TENM3: variants seen among roughly 807,000 people sequenced by gnomAD.
TENM3 encodes teneurin transmembrane protein 3.
A neutral mutation model predicts 255.1 loss-of-function variants in TENM3; 63 were observed. The ratio of observed to expected loss-of-function variants is 0.25; its 90% CI spans 0.20 to 0.30. TENM3 has a LOEUF of 0.30. TENM3 is among the 10% of genes least tolerant of loss of function. TENM3 has a pLI of 1.00. For synonymous variants in TENM3, 1,306 were observed against 1,322.3 expected (o/e 0.99, Z 0.27); for missense variants, 2,929 against 3,461.1 (o/e 0.85, Z 3.86).
At chr4:181,518,813 T>C in the TENM3 span, among the ~76,000 whole-genome samples, 1 of 152,284 alleles carries the variant, frequency 6.6e-6, no homozygotes, top group South Asian at 2.1e-4. Flanking sequence ...TTCCTGTATG[T>C]CCATGAATGA....
Position 182,337,213 on chromosome 4 carries a change from C to CA in TENM3, c.233-9434dup, listed in dbSNP as rs1224073124. On this transcript the variant is annotated intron_variant, in intron 2 of 27. Transcript: ENST00000511685. ...AAAAAATTGATAAATTGGACTTCAT[C>CA]AAAATTACAAAGTTTTGCTTATCAG... Among the ~76,000 whole-genome samples the CA allele has an allele frequency of 5.9e-5, 9 of 152,064 alleles. 1 individual carries two copies. The highest frequency in any genetic ancestry group is 1.3e-4 in the Admixed American group (2 of 15,274).
At chr4:182,777,932 A>T (rs915235238) in intron 24 of TENM3, among the ~76,000 whole-genome samples, 6 of 151,754 alleles carry the variant, frequency 4.0e-5, no homozygotes, top group Non-Finnish European at 8.8e-5. Context: ...AGAAAACAGC[A>T]ATGTAAAAAG....
intron 3 of TENM3, among the ~76,000 whole-genome samples, chr4:182,457,122 T>G (rs968360940): frequency 7.9e-5 from 12 of 150,948 alleles, no homozygotes; most frequent in African/African-American, 2.9e-4. Flanking sequence ...GAGGCGGAGG[T>G]TGCAGTGAGC....
the TENM3 span, among the ~76,000 whole-genome samples, chr4:182,025,298 G>A: frequency 1.3e-5 from 2 of 152,138 alleles, no homozygotes; most frequent in African/African-American, 4.8e-5. Context: ...AAAGTGCTGT[G>A]ATTACAGGCG....
intron 3 of TENM3, among the ~76,000 whole-genome samples, chr4:182,595,888 T>C (rs1747171132): frequency 6.6e-6 from 1 of 150,794 alleles, no homozygotes; most frequent in African/African-American, 2.4e-5. Flanking sequence ...ATTTTATAGC[T>C]TTCATTTTAT....
chr4:181,521,270 C>T, the TENM3 span, among the ~76,000 whole-genome samples: 9 of 152,350 alleles, frequency 5.9e-5, no homozygotes, highest in South Asian at 1.9e-3. Context: ...ATGGCAGCTT[C>T]TTCATTCAGA....
At position 182,679,695 on chromosome 4, in the gene TENM3, C is replaced by T. The variant is rs1755972052; in HGVS notation, c.1356C>T (p.Ser452=). Residue 452 remains serine (S), a synonymous_variant, in exon 8 of 28, where the codon AGC becomes AGT. Transcript: ENST00000511685. ...QYDFVELLDG[S]RLIAREQRSL... The stretch of plus-strand genomic sequence containing the variant: ...ACTTCGTGGAGCTCCTGGATGGCAG[C>T]AGGCTGATTGCCAGAGAGCAGCGGA... 1 of 1,613,078 alleles carries T rather than the reference C, an allele frequency of 6.2e-7. No individual in the cohort carries two copies. The highest frequency in any genetic ancestry group is 8.5e-7 in the Non-Finnish European group (1 of 1,179,836).
At chr4:182,250,143 C>G (rs896852510) in intron 1 of TENM3, among the ~76,000 whole-genome samples, 3 of 150,174 alleles carry the variant, frequency 2.0e-5, no homozygotes, top group South Asian at 2.1e-4. Context: ...AGCTCTGCCT[C>G]CTGGGTTCAC....
intron 22 of TENM3, among the ~76,000 whole-genome samples, chr4:182,756,628 A>C (rs1762764384): frequency 6.6e-6 from 1 of 152,188 alleles, no homozygotes; most frequent in Non-Finnish European, 1.5e-5. Context: ...ATTATCATAA[A>C]AGTCAGTAGA....
intron 2 of TENM3, among the ~76,000 whole-genome samples, chr4:182,345,472 T>G (rs551714114): frequency 5.3e-5 from 8 of 152,334 alleles, no homozygotes; most frequent in African/African-American, 1.9e-4. Context: ...CTTAATATAC[T>G]TAAAAGGTTT....
chr4:181,626,547 T>C, the TENM3 span, among the ~76,000 whole-genome samples: 1 of 152,094 alleles, frequency 6.6e-6, no homozygotes, highest in African/African-American at 2.4e-5. Flanking sequence ...CATGTTACAT[T>C]GTGAGAGCAC....
the TENM3 span, among the ~76,000 whole-genome samples, chr4:181,607,150 A>C: frequency 6.6e-6 from 1 of 152,186 alleles, no homozygotes; most frequent in Admixed American, 6.5e-5. Context: ...TTTGGCCCTT[A>C]TCCTGCCTGC....
chr4:182,614,062 A>G (rs1456493818), intron 4 of TENM3, among the ~76,000 whole-genome samples: 2 of 152,234 alleles, frequency 1.3e-5, no homozygotes, highest in African/African-American at 4.8e-5. Context: ...TCACGGTGTC[A>G]CAGCTAGAAT....
intron 3 of TENM3, among the ~76,000 whole-genome samples, chr4:182,373,302 A>G (rs1237687963): frequency 6.6e-6 from 1 of 152,226 alleles, no homozygotes; most frequent in Non-Finnish European, 1.5e-5. Flanking sequence ...CAAGTTTGTC[A>G]GCCTCTGAGT....
the TENM3 span, among the ~76,000 whole-genome samples, chr4:181,682,736 C>T: frequency 1.1e-4 from 17 of 152,066 alleles, no homozygotes; most frequent in Non-Finnish European, 1.9e-4. Flanking sequence ...TAGGGCAATT[C>T]ATTTGGGGTG....
intron 3 of TENM3, among the ~76,000 whole-genome samples, chr4:182,394,193 G>T (rs1768639872): frequency 6.6e-6 from 1 of 152,108 alleles, no homozygotes; most frequent in South Asian, 2.1e-4. Flanking sequence ...CAACCCACTG[G>T]TTTCTTTTGC....
intron 1 of TENM3, among the ~76,000 whole-genome samples, chr4:182,214,151 T>A (rs1489585591): frequency 6.6e-6 from 1 of 152,118 alleles, no homozygotes; most frequent in African/African-American, 2.4e-5. Flanking sequence ...GCAGTTTAGG[T>A]AAGTAGGGTT....
At chr4:182,339,310 A>G (rs1193887565) in intron 2 of TENM3, among the ~76,000 whole-genome samples, 3 of 152,216 alleles carry the variant, frequency 2.0e-5, no homozygotes, top group African/African-American at 7.2e-5. Flanking sequence ...CGGCAGGATT[A>G]AAGGATTTAG....
the TENM3 span, among the ~76,000 whole-genome samples, chr4:181,952,960 T>C: frequency 3.0e-4 from 45 of 152,360 alleles, no homozygotes; most frequent in Admixed American, 1.5e-3. Context: ...TCAACAGTCA[T>C]TGTGGCCATG....
Sources: allele counts gnomAD v4.1 joint callset (sites outside exome capture counted in the v4.1 genomes callset), GRCh38; gene constraint gnomAD v4.1.1; transcripts MANE v1.5; gene names NCBI Gene and HGNC (gene_info 2026-07-23, HGNC 2026-07-21).